PTCHD4: variants seen among roughly 807,000 people sequenced by gnomAD.
The protein encoded by PTCHD4 is patched domain containing 4.
A neutral mutation model predicts 58.1 loss-of-function variants in PTCHD4; 33 were observed. The ratio of observed to expected loss-of-function variants is 0.57; its 90% confidence interval spans 0.43 to 0.76. The LOEUF is 0.76. Among genes scored for constraint, PTCHD4 ranks in the 30% least tolerant of loss-of-function variants. The probability of loss-of-function intolerance (pLI) is 0.00; values close to 1 mark genes in which losing one functional copy is unlikely to be tolerated. For missense variants in PTCHD4, 1,058 were observed against 1,027.1 expected (o/e 1.03, Z -0.41); for synonymous variants, 478 against 409.6 (o/e 1.17, Z -2.02).
At chr6:47,913,710 T>C (rs976354074) in intron 4 of PTCHD4, among the ~76,000 whole-genome samples, 2 of 152,102 alleles carry the variant, frequency 1.3e-5, no homozygotes, top group Non-Finnish European at 2.9e-5. Context: ...TTCTAACCAC[T>C]TCTCATTTCA....
chr6:48,067,091 G>T (rs949264457), intron 3 of PTCHD4, among the ~76,000 whole-genome samples: 2 of 152,204 alleles, frequency 1.3e-5, no homozygotes, highest in East Asian at 3.9e-4. Context: ...TGTCTTGGGA[G>T]TTCTTGGCTG....
chr6:47,924,556 A>G (rs1765535103), intron 4 of PTCHD4, among the ~76,000 whole-genome samples: 1 of 152,128 alleles, frequency 6.6e-6, no homozygotes, highest in Non-Finnish European at 1.5e-5. Context: ...AATGAGGAAC[A>G]TAATGTCTCC....
At chr6:48,092,414 G>A (rs906479828) in intron 1 of PTCHD4, among the ~76,000 whole-genome samples, 3 of 152,060 alleles carry the variant, frequency 2.0e-5, no homozygotes, top group Admixed American at 6.6e-5. Context: ...GGGATCCATC[G>A]GCCAGTATTG....
In PTCHD4 at chr6:48,045,038, C is replaced by A. The variant is rs1023910586; in HGVS notation, c.417+23192G>T. ...TACAACTGCCACCTATGCCTCCAGACCTTTTATGACAGCCCTTCCATCTCT... is the reference window on the plus strand; with the variant it reads ...TACAACTGCCACCTATGCCTCCAGAACTTTTATGACAGCCCTTCCATCTCT... On this transcript the variant is annotated intron_variant, in intron 3 of 4. Coordinates refer to ENST00000339488, the MANE Select transcript of PTCHD4 (RefSeq NM_001384253.1). 5.3e-5 allele frequency among the ~76,000 whole-genome samples: 8 copies of A among 151,904 alleles called. No individual in the cohort carries two copies. In the East Asian group the frequency reaches 9.7e-4, roughly 18 times the overall value.
chr6:48,012,542 C>G (rs1477402798), intron 3 of PTCHD4, among the ~76,000 whole-genome samples: 1 of 152,138 alleles, frequency 6.6e-6, no homozygotes, highest in Admixed American at 6.5e-5. Flanking sequence ...GACTTCCTCT[C>G]TTCCTATTTG....
intron 4 of PTCHD4, among the ~76,000 whole-genome samples, chr6:47,894,579 A>G (rs377393241): frequency 1.2e-4 from 19 of 152,394 alleles, no homozygotes; most frequent in East Asian, 7.7e-4. Context: ...CTTGGCACTT[A>G]CTAAACATTC....
At chr6:47,998,908 C>T (rs1366024477) in intron 4 of PTCHD4, among the ~76,000 whole-genome samples, 6 of 152,130 alleles carry the variant, frequency 3.9e-5, no homozygotes, top group Non-Finnish European at 8.8e-5. Flanking sequence ...AAAATAGGCA[C>T]ATTAAAATAT....
intron 4 of PTCHD4, among the ~76,000 whole-genome samples, chr6:47,988,971 G>A (rs1348458944): frequency 6.6e-6 from 1 of 152,196 alleles, no homozygotes; most frequent in Non-Finnish European, 1.5e-5. Context: ...GGAAATGTGG[G>A]AAAGTTTGGA....
intron 4 of PTCHD4, chr6:47,902,018 A>C: frequency 1.2e-6 from 1 of 854,632 alleles, no homozygotes; most frequent in Non-Finnish European, 1.7e-6. Flanking sequence ...AGTATAGTAA[A>C]AACACTGGGG....
intron 4 of PTCHD4, among the ~76,000 whole-genome samples, chr6:47,892,909 A>G (rs1297782594): frequency 6.6e-6 from 1 of 152,238 alleles, no homozygotes; most frequent in Non-Finnish European, 1.5e-5. Flanking sequence ...TTAACCCAAA[A>G]GTTCAGGAAT....
intron 3 of PTCHD4, among the ~76,000 whole-genome samples, chr6:48,062,803 T>C (rs1483819467): frequency 1.3e-5 from 2 of 152,126 alleles, no homozygotes; most frequent in African/African-American, 4.8e-5. Flanking sequence ...TATCCCCAAA[T>C]CCACTATAAT....
chr6:47,938,086 G>A (rs1469535220), intron 4 of PTCHD4, among the ~76,000 whole-genome samples: 2 of 152,174 alleles, frequency 1.3e-5, no homozygotes, highest in African/African-American at 2.4e-5. Flanking sequence ...CCGGGAGGCA[G>A]AGGTTGCAGT....
chr6:47,963,387 G>A (rs1175050638), intron 4 of PTCHD4, among the ~76,000 whole-genome samples: 2 of 151,998 alleles, frequency 1.3e-5, no homozygotes, highest in African/African-American at 4.8e-5. Flanking sequence ...CACTACTGGT[G>A]GAAAAATAAA....
At chr6:48,064,421 C>A (rs1223958951) in intron 3 of PTCHD4, among the ~76,000 whole-genome samples, 3 of 152,036 alleles carry the variant, frequency 2.0e-5, no homozygotes, top group African/African-American at 7.2e-5. Context: ...AAAGTCGTTG[C>A]TTAAAGACTC....
At chr6:48,017,757 A>T (rs1023095382) in intron 3 of PTCHD4, among the ~76,000 whole-genome samples, 3 of 152,238 alleles carry the variant, frequency 2.0e-5, no homozygotes, top group Admixed American at 2.0e-4. Flanking sequence ...GGCACAGCCA[A>T]TCACTTGATT....
chr6:47,948,978 A>G (rs1033334229), intron 4 of PTCHD4, among the ~76,000 whole-genome samples: 4 of 152,250 alleles, frequency 2.6e-5, no homozygotes, highest in Non-Finnish European at 5.9e-5. Context: ...CTGTCAAAGC[A>G]AGTATCTTCG....
Position 47,871,916 on chromosome 6 carries a change from C to A in PTCHD4, c.*6387G>T, listed in dbSNP as rs1449544361. ...TTGACTAGTTTAAGGTCTAGTTTATCAGTTTGTAGCACATTTATGTTTGTG... is the reference window on the plus strand; with the variant it reads ...TTGACTAGTTTAAGGTCTAGTTTATAAGTTTGTAGCACATTTATGTTTGTG... On this transcript the variant is annotated 3_prime_UTR_variant, in exon 5 of 5. Coordinates refer to ENST00000339488, the MANE Select transcript of PTCHD4 (RefSeq NM_001384253.1). Among the ~76,000 whole-genome samples the A allele has an allele frequency of 6.6e-6, 1 of 151,622 alleles. No individual in the cohort carries two copies. The highest frequency in any genetic ancestry group is 1.5e-5 in the Non-Finnish European group (1 of 67,726).
chr6:48,049,248 C>A (rs1764147871), intron 3 of PTCHD4, among the ~76,000 whole-genome samples: 1 of 151,708 alleles, frequency 6.6e-6, no homozygotes, highest in African/African-American at 2.4e-5. Context: ...AAACATCCCA[C>A]AATGCACAGG....
At chr6:48,067,037 T>C (rs1254473480) in intron 3 of PTCHD4, among the ~76,000 whole-genome samples, 1 of 152,138 alleles carries the variant, frequency 6.6e-6, no homozygotes, top group Non-Finnish European at 1.5e-5. Flanking sequence ...CACACACATA[T>C]CTTCACATAC....
Sources: allele counts gnomAD v4.1 joint callset (sites outside exome capture counted in the v4.1 genomes callset), GRCh38; gene constraint gnomAD v4.1.1; transcripts MANE v1.5; gene names NCBI Gene and HGNC (gene_info 2026-07-23, HGNC 2026-07-21).